The following CCNH variants were observed in gnomAD, a reference collection of about 807,000 sequenced individuals.
CCNH encodes the protein cyclin-H.
Under a neutral mutation model 41.9 loss-of-function variants are expected in CCNH, and 31 were observed. The ratio of observed to expected loss-of-function variants is 0.74; its 90% confidence interval spans 0.56 to 1.00. CCNH has a LOEUF of 1.00. CCNH is among the 50% of genes least tolerant of loss of function. The pLI is 0.00. For synonymous variants in CCNH, 138 were observed against 136.1 expected (o/e 1.01, Z -0.10); for missense variants, 362 against 388.4 (o/e 0.93, Z 0.57).
intron 9 of CCNH, among the ~76,000 whole-genome samples, chr5:87,327,596 A>G (rs933462549): frequency 1.3e-5 from 2 of 152,184 alleles, no homozygotes; most frequent in African/African-American, 4.8e-5. Flanking sequence ...CTTTTGAACA[A>G]GCTCAGGGAG....
At chr5:87,338,598 C>T (rs1316111203) in intron 9 of CCNH, among the ~76,000 whole-genome samples, 1 of 146,064 alleles carries the variant, frequency 6.8e-6, no homozygotes, top group Non-Finnish European at 1.5e-5. Context: ...TCTCAAACGC[C>T]TGACCTCAAG....
chr5:87,325,697 A>G (rs1435806429), intron 9 of CCNH, among the ~76,000 whole-genome samples: 1 of 152,218 alleles, frequency 6.6e-6, no homozygotes, highest in Non-Finnish European at 1.5e-5. Flanking sequence ...GGTAACTTCA[A>G]TTTAGTTTTC....
chr5:87,399,638 A>G, intron 6 of CCNH, 133 bp from the exon 7 acceptor site: 2 of 653,556 alleles, frequency 3.1e-6, no homozygotes, highest in South Asian at 1.8e-5. Flanking sequence ...CAGGATTTGC[A>G]TCATTCTGCA....
chr5:87,378,324 C>A, upstream of CCNH: 1 of 1,538,106 alleles, frequency 6.5e-7, no homozygotes, highest in South Asian at 1.1e-5. Flanking sequence ...AAAATGAATT[C>A]ACTTAATTTC....
At chr5:87,405,183 C>T (rs1178838970) in intron 4 of CCNH, among the ~76,000 whole-genome samples, 176 bp from the exon 5 acceptor site, 2 of 152,142 alleles carry the variant, frequency 1.3e-5, no homozygotes, top group African/African-American at 4.8e-5. Context: ...GGTCCTTTTC[C>T]ACCTGAGTAG....
At chr5:87,352,498 T>TA (rs1429022938) in intron 9 of CCNH, among the ~76,000 whole-genome samples, 2 of 151,670 alleles carry the variant, frequency 1.3e-5, no homozygotes, top group South Asian at 2.1e-4. Flanking sequence ...ACTTTATATT[T>TA]AAAAAAATAC....
At chr5:87,363,321 G>A in intron 9 of CCNH, 3 of 1,566,028 alleles carry the variant, frequency 1.9e-6, no homozygotes, top group Non-Finnish European at 2.6e-6. Flanking sequence ...GTTTGGCTAA[G>A]AGAAAACAAT....
downstream of CCNH, among the ~76,000 whole-genome samples, chr5:87,314,346 T>A (rs1756153636): frequency 2.0e-5 from 3 of 152,320 alleles, no homozygotes; most frequent in South Asian, 6.2e-4. Flanking sequence ...TTGATTTGTG[T>A]TTTGGGCATA....
downstream of CCNH, chr5:87,374,243 C>T (rs1292336078): frequency 6.3e-7 from 1 of 1,599,374 alleles, no homozygotes; most frequent in Non-Finnish European, 8.5e-7. Context: ...GTAACATCTA[C>T]CTGAATAGTG....
At chr5:87,327,968 CAAAA>C (rs777320325) in intron 9 of CCNH, among the ~76,000 whole-genome samples, 1 of 112,012 alleles carries the variant, frequency 8.9e-6, no homozygotes, top group Non-Finnish European at 1.9e-5. Context: ...CTCCGTTTCC[CAAAA>C]AAAAAAAAAA....
intron 9 of CCNH, chr5:87,353,293 T>G: frequency 7.2e-7 from 1 of 1,380,024 alleles, no homozygotes; most frequent in Non-Finnish European, 1.0e-6. Context: ...TGCATTTTGG[T>G]GGTATGTTTT....
chr5:87,332,503 A>G, intron 9 of CCNH: 1 of 1,605,524 alleles, frequency 6.2e-7, no homozygotes, highest in Non-Finnish European at 8.5e-7. Flanking sequence ...TCCTGTTCAA[A>G]TAGGATTATT....
intron 3 of CCNH, 104 bp from the exon 4 acceptor site, chr5:87,408,290 C>A (rs1055872002): frequency 7.9e-5 from 39 of 492,044 alleles, no homozygotes; most frequent in Non-Finnish European, 1.1e-4. Context: ...AAAGTATATT[C>A]TATAATTGCC....
chr5:87,392,563 G>A, downstream of CCNH: 4 of 336,348 alleles, frequency 1.2e-5, no homozygotes, highest in South Asian at 9.6e-5. Context: ...CATGATAGAA[G>A]ACAGGGAGGA....
upstream of CCNH, chr5:87,378,558 A>G (rs185067003): frequency 1.6e-5 from 25 of 1,587,540 alleles, no homozygotes; most frequent in Admixed American, 3.7e-4. Context: ...TAATGTTTTA[A>G]TAAGTATTTT....
Position 87,412,824 on chromosome 5 carries a change from T to C in CCNH, c.-30A>G, listed in dbSNP as rs1764376957. On this transcript the variant is annotated 5_prime_UTR_variant, in exon 1 of 9. Transcript: ENST00000256897. ...GAATCGTGACCAGGTCCAGAGGGTC[T>C]GCAGACGAGAACCCAAACGCATCAG... 1 of 1,605,210 alleles carries C rather than the reference T, an allele frequency of 6.2e-7. No homozygotes were observed. Among genetic ancestry groups the C allele is most frequent in the Non-Finnish European group, 8.5e-7 (1 of 1,172,976 alleles).
At chr5:87,333,868 C>T (rs3804237) in intron 9 of CCNH, among the ~76,000 whole-genome samples, 4,880 of 152,060 alleles carry the variant, frequency 0.032, 233 homozygotes, top group African/African-American at 0.1. Context: ...TTAATTCTTA[C>T]TGACACATTT....
chr5:87,352,177 TTC>T (rs1211470355), intron 9 of CCNH, among the ~76,000 whole-genome samples: 2 of 151,772 alleles, frequency 1.3e-5, no homozygotes, highest in Non-Finnish European at 1.5e-5. Flanking sequence ...TAAATGCTGC[TTC>T]TGGTATTAAG....
At chr5:87,378,347 A>C (rs1220124134), upstream of CCNH, 1 of 1,598,020 alleles carries the variant, frequency 6.3e-7, no homozygotes, top group Admixed American at 1.7e-5. Flanking sequence ...ATTTGGTCAC[A>C]TTAGGTCAGT....
Sources: gnomAD v4.1 joint callset for allele counts (sites outside exome capture counted in the v4.1 genomes callset) on GRCh38, gnomAD v4.1.1 for gene constraint, MANE v1.5 for transcripts, NCBI Gene and HGNC (gene_info 2026-07-23, HGNC 2026-07-21) for gene names.